Variants in MYO5C observed in about 807,000 individuals in gnomAD.
MYO5C encodes unconventional myosin-Vc.
MYO5C carries 194 observed loss-of-function variants against 235.7 expected under a neutral mutation model. The observed-to-expected ratio is 0.82, with a 90% CI of 0.73 to 0.93. MYO5C has a LOEUF of 0.93. MYO5C is among the 40% of genes least tolerant of loss of function. MYO5C has a pLI of 0.00. For missense variants in MYO5C, 2,038 were observed against 2,127.2 expected, an observed-to-expected ratio of 0.96 and a Z score of 0.82; for synonymous variants, 707 against 754.8, an observed-to-expected ratio of 0.94 and a Z score of 1.04.
At chr15:52,246,896 G>T in intron 16 of MYO5C, 21 bp downstream of exon 16, 2 of 1,592,486 alleles carry the variant, frequency 1.3e-6, no homozygotes, top group Non-Finnish European at 1.7e-6. Flanking sequence ...TCTTCGCTGT[G>T]TGTTGCATAA....
At chr15:52,236,311 G>T (rs1429422955) in intron 22 of MYO5C, among the ~76,000 whole-genome samples, 1 of 152,230 alleles carries the variant, frequency 6.6e-6, no homozygotes, top group African/African-American at 2.4e-5. Flanking sequence ...CCCAGCACCG[G>T]GTCATGGGGA....
chr15:52,233,867 C>A (rs573184319), intron 23 of MYO5C, among the ~76,000 whole-genome samples: 136 of 152,346 alleles, frequency 8.9e-4, no homozygotes, highest in African/African-American at 3.2e-3. Flanking sequence ...CTGAGCCCCA[C>A]CCCAGAAGGA....
intron 39 of MYO5C, 60 bp downstream of exon 39, chr15:52,196,249 A>G: frequency 6.8e-7 from 1 of 1,480,600 alleles, no homozygotes; most frequent in Non-Finnish European, 9.0e-7. Flanking sequence ...AAGAAAGGCA[A>G]TGCCCACTGC....
At chr15:52,260,831 G>A in intron 10 of MYO5C, 31 bp downstream of exon 10, 2 of 1,609,016 alleles carry the variant, frequency 1.2e-6, no homozygotes, top group South Asian at 1.1e-5. Flanking sequence ...ATTTAAAGGA[G>A]GAAAGACAGG....
Position 52,223,616 on chromosome 15 carries a change from C to G in MYO5C, c.3555G>C (p.Lys1185Asn). ...HLSQEINHLQ[K>N]LFREENDINE... is the part of the protein sequence containing the mutation. The stretch of plus-strand genomic sequence containing the variant: ...TGATGTCATTTTCTTCTCTGAATAA[C>G]TTCTGCAGGTGGTTGATTTCTTGAC... The change falls in exon 29 of 41, where the codon AAG becomes AAC. Residue 1185 changes from lysine to asparagine, a missense_variant. Physicochemically the swap from Lys to Asn is moderately conservative, Grantham distance 94. Coordinates refer to ENST00000261839, the MANE Select transcript of MYO5C (RefSeq NM_018728.4). The G allele has an allele frequency of 6.2e-7, 1 of 1,614,180 alleles. No individual in the cohort carries two copies. Among genetic ancestry groups the G allele is most frequent in the Non-Finnish European group, 8.5e-7 (1 of 1,180,036 alleles).
chr15:52,244,586 A>G lies in MYO5C; in HGVS notation c.2179-19T>C. The G allele has an allele frequency of 6.5e-7, 1 of 1,530,964 alleles. No individual in the cohort carries two copies. The highest frequency in any genetic ancestry group is 1.1e-5 in the South Asian group (1 of 88,220). 94.8% of individuals were successfully genotyped at this position (1,530,964 alleles called of 1,614,324 possible). A position where few individuals can be genotyped will look rare whatever the true frequency, so the allele number is the denominator to read the frequency against. On this transcript the variant is annotated intron_variant, in intron 18 of 40. Transcript: ENST00000261839. ...TAGAATCCTGGAAGAGAAAAATGAT[A>G]TAGTTAGAATTAAAATCTGTCAGAT...
chr15:52,271,815 GA>G lies in MYO5C; in HGVS notation c.779del (p.Phe260SerfsTer38). The G allele has an allele frequency of 6.3e-7, 1 of 1,586,674 alleles. No individual in the cohort carries two copies. Among genetic ancestry groups the G allele is most frequent in the Non-Finnish European group, 8.6e-7 (1 of 1,160,172 alleles). On this transcript the variant is annotated frameshift_variant, in exon 7 of 41. Coordinates refer to ENST00000261839, the MANE Select transcript of MYO5C (RefSeq NM_018728.4). LOFTEE classifies it high-confidence loss of function. ...QSENERNYHI[F>X]YQLCASAQQS... is the part of the protein sequence containing the mutation. ...GCTGTGCAGATGCACAAAGCTGATA[GA>G]AAATGTGGTAATTTCGTTCATTTTC...
intron 36 of MYO5C, among the ~76,000 whole-genome samples, chr15:52,207,941 A>T (rs2035357862): frequency 6.6e-6 from 1 of 152,220 alleles, no homozygotes; most frequent in African/African-American, 2.4e-5. Flanking sequence ...TTATACCCTG[A>T]CACTGGTAAA....
chr15:52,290,623 T>C (rs1452648483), intron 1 of MYO5C, among the ~76,000 whole-genome samples: 1 of 69,306 alleles, frequency 1.4e-5, no homozygotes, highest in Non-Finnish European at 4.3e-5. Flanking sequence ...GAGCAACCTT[T>C]AGGAAAAAAA....
At chr15:52,278,766 T>C in intron 4 of MYO5C, 107 bp downstream of exon 4, 1 of 1,362,174 alleles carries the variant, frequency 7.3e-7, no homozygotes, top group Admixed American at 1.9e-5. Flanking sequence ...CTCTGGCCTA[T>C]CTCTTTTAAT....
rs1025445621 is a variant in MYO5C, at chr15:52,211,847, G to A, written c.4179C>T (p.Pro1393=). The change falls in exon 35 of 41, where the codon CCC becomes CCT. Residue 1393 remains proline (P), a synonymous_variant. Transcript: ENST00000261839. Reference sequence around the variant, plus strand: ...TGAACAGGATATGAGCCGGCAGCCCGGGGATCATGTTCACCACCACGCCAC... The same window carrying A: ...TGAACAGGATATGAGCCGGCAGCCCAGGGATCATGTTCACCACCACGCCAC... ...KPRGVVVNMI[P]GLPAHILFMC... 14 of 1,613,728 alleles carry A rather than the reference G, an allele frequency of 8.7e-6. No homozygotes were observed. Among genetic ancestry groups the A allele is most frequent in the African/African-American group, 1.3e-5 (1 of 74,924 alleles).
chr15:52,282,901 C>G lies in MYO5C; in HGVS notation c.28-9G>C, dbSNP rs770053154. 4 of 1,579,932 alleles carry G rather than the reference C, an allele frequency of 2.5e-6. No individual in the cohort carries two copies. In the South Asian group the frequency reaches 4.4e-5, roughly 17 times the overall value. On this transcript the variant is annotated splice_polypyrimidine_tract_variant and intron_variant, in intron 1 of 40. Transcript: ENST00000261839. ...ATCCAGACCCTGTTGTACTGACCAA[C>G]AGGATGAGAAAAGCTGAATTTCAGG...
In MYO5C at chr15:52,192,429, A is replaced by T. The variant is rs998534103; in HGVS notation, c.*1473T>A. On this transcript the variant is annotated 3_prime_UTR_variant, in exon 41 of 41. Transcript: ENST00000261839. ...ACTCAATCACTTATAATATAAAAAG[A>T]CATTATTATGTATTAGCAGGGTGAT... The T allele has an allele frequency of 6.6e-6, 1 of 152,232 alleles. No individual in the cohort carries two copies. 9.4% of individuals were successfully genotyped at this position (152,232 alleles called of 1,614,324 possible).
intron 8 of MYO5C, among the ~76,000 whole-genome samples, chr15:52,267,036 C>T (rs1017702893): frequency 2.6e-5 from 4 of 152,312 alleles, no homozygotes; most frequent in South Asian, 4.1e-4. Context: ...AGGGCCAACC[C>T]GGCACATGCA....
Position 52,208,631 on chromosome 15 carries a change from C to A in MYO5C, c.4309G>T (p.Asp1437Tyr). The A allele has an allele frequency of 6.2e-7, 1 of 1,613,992 alleles. No homozygotes were observed. Among genetic ancestry groups the A allele is most frequent in the South Asian group, 1.1e-5 (1 of 91,064 alleles). ...AGCCAAAAGGACAGCATTTCAAAGT[C>A]TTCTAAATGTTCCTTAGGAAAATAA... ...IKQVVKEHLE[D>Y]FEMLSFWLSN... Residue 1437 changes from aspartate (D) to tyrosine (Y), a missense_variant, in exon 36 of 41, where the codon GAC becomes TAC. Coordinates refer to ENST00000261839, the MANE Select transcript of MYO5C (RefSeq NM_018728.4).
intron 29 of MYO5C, among the ~76,000 whole-genome samples, chr15:52,222,098 C>T (rs960224808): frequency 6.6e-6 from 1 of 152,238 alleles, no homozygotes; most frequent in East Asian, 1.9e-4. Context: ...ATTCTGAGCA[C>T]GTTTAAGGCA....
At chr15:52,218,765 A>C in intron 31 of MYO5C, 78 bp from the exon 32 acceptor site, 1 of 1,461,556 alleles carries the variant, frequency 6.8e-7, no homozygotes, top group South Asian at 1.2e-5. Flanking sequence ...GCAAGTGCTG[A>C]TATTTCCAAA....
chr15:52,277,231 C>CT, intron 4 of MYO5C: 1 of 530,182 alleles, frequency 1.9e-6, no homozygotes, highest in East Asian at 5.5e-5. Context: ...CACGAGCCTG[C>CT]TTTGGGCTCC....
At chr15:52,204,717 C>T in intron 38 of MYO5C, 148 bp downstream of exon 38, 1 of 998,740 alleles carries the variant, frequency 1.0e-6, no homozygotes, top group Non-Finnish European at 1.4e-6. Flanking sequence ...TCCCGGGGCT[C>T]CTAGGGTGAC....
Sources: gnomAD v4.1 joint callset for allele counts (sites outside exome capture counted in the v4.1 genomes callset) on GRCh38, gnomAD v4.1.1 for gene constraint, MANE v1.5 for transcripts, NCBI Gene and HGNC (gene_info 2026-07-23, HGNC 2026-07-21) for gene names.